Variants in PSPC1 observed in about 807,000 individuals in gnomAD.
The protein encoded by PSPC1 is paraspeckle protein 1.
In PSPC1, 14 loss-of-function variants were observed where a neutral mutation model predicts 51.6. The observed-to-expected ratio is 0.27, with a 90% CI of 0.18 to 0.42. The LOEUF is 0.42. Among genes scored for constraint, PSPC1 ranks in the 10% least tolerant of loss-of-function variants. The probability of loss-of-function intolerance (pLI) is 1.00; values close to 1 mark genes in which losing one functional copy is unlikely to be tolerated. For synonymous variants in PSPC1, 193 were observed against 231.9 expected (o/e 0.83, Z 1.53); for missense variants, 406 against 701.1 (o/e 0.58, Z 4.75).
intron 6 of PSPC1, among the ~76,000 whole-genome samples, chr13:19,694,166 TAC>T (rs1046286275): frequency 5.8e-5 from 6 of 104,236 alleles, no homozygotes; most frequent in African/African-American, 2.1e-4. Flanking sequence ...TATATATATA[TAC>T]ATACACACAT....
At chr13:19,770,905 A>C (rs1170748545) in intron 2 of PSPC1, among the ~76,000 whole-genome samples, 1 of 151,614 alleles carries the variant, frequency 6.6e-6, no homozygotes, top group Non-Finnish European at 1.5e-5. Context: ...CCAAAAAAAA[A>C]AACAAACAAA....
At chr13:19,694,178 TACAC>T (rs373687009) in intron 6 of PSPC1, among the ~76,000 whole-genome samples, 20 of 118,742 alleles carry the variant, frequency 1.7e-4, no homozygotes, top group Admixed American at 5.3e-4. Flanking sequence ...CATACACACA[TACAC>T]ACACACACAC....
chr13:19,742,378 C>A (rs1465461234), intron 4 of PSPC1, among the ~76,000 whole-genome samples: 1 of 151,844 alleles, frequency 6.6e-6, no homozygotes, highest in Middle Eastern at 3.2e-3. Context: ...CCGAGGCAGG[C>A]GGATCACTTC....
intron 5 of PSPC1, among the ~76,000 whole-genome samples, chr13:19,736,551 C>T (rs1566010651): frequency 6.6e-6 from 1 of 152,052 alleles, no homozygotes; most frequent in South Asian, 2.1e-4. Context: ...GGTGTGGTGA[C>T]AGGCGCCTGT....
downstream of PSPC1, chr13:19,671,392 C>A: frequency 9.9e-7 from 1 of 1,011,896 alleles, no homozygotes; most frequent in East Asian, 2.6e-5. Context: ...GTGTACCTGT[C>A]CTAGAGACAG....
chr13:19,751,194 A>G lies in PSPC1; in HGVS notation c.967+77T>C, dbSNP rs570959905. On this transcript the variant is annotated intron_variant, in intron 4 of 8. Coordinates refer to ENST00000338910, the MANE Select transcript of PSPC1 (RefSeq NM_001354909.2). ...TCTAAACTCCTAAATGGCACTTTAC[A>G]CAGTAGTACATGAATGGTACACACA... 1.2e-5 allele frequency: 14 copies of G among 1,181,998 alleles called. No individual in the cohort carries two copies. The South Asian group carries it at 4.0e-4, about 33-fold the overall frequency. The allele number at this position is 1,181,998 out of a possible 1,614,324, so 73.2% of individuals were successfully genotyped here.
At chr13:19,774,232 G>A (rs777785408) in intron 1 of PSPC1, among the ~76,000 whole-genome samples, 5 of 152,148 alleles carry the variant, frequency 3.3e-5, no homozygotes, top group Non-Finnish European at 5.9e-5. Flanking sequence ...ACAGAAGTAT[G>A]TCTTTTTCAT....
intron 6 of PSPC1, among the ~76,000 whole-genome samples, chr13:19,679,424 A>G (rs190558833): frequency 2.0e-5 from 3 of 152,276 alleles, no homozygotes; most frequent in Non-Finnish European, 4.4e-5. Flanking sequence ...TGAGCCCACG[A>G]TGTGGAGGTT....
chr13:19,723,058 T>C (rs1339306530), intron 6 of PSPC1, among the ~76,000 whole-genome samples: 1 of 151,630 alleles, frequency 6.6e-6, no homozygotes, highest in Non-Finnish European at 1.5e-5. Context: ...TTGCAGTGAG[T>C]CAAGATCACG....
At chr13:19,677,461 G>A (rs1414006842) in intron 7 of PSPC1, among the ~76,000 whole-genome samples, 1 of 151,274 alleles carries the variant, frequency 6.6e-6, no homozygotes, top group Non-Finnish European at 1.5e-5. Context: ...GAGGAAAGAG[G>A]AGGGCAAGGC....
intron 4 of PSPC1, among the ~76,000 whole-genome samples, chr13:19,742,186 C>T (rs1247054117): frequency 2.7e-5 from 4 of 146,298 alleles, no homozygotes; most frequent in East Asian, 2.1e-4. Context: ...CTTGGCTGGG[C>T]GCGGTGGCTC....
At chr13:19,758,024 A>G (rs1365972920) in intron 3 of PSPC1, among the ~76,000 whole-genome samples, 1 of 152,074 alleles carries the variant, frequency 6.6e-6, no homozygotes, top group Admixed American at 6.6e-5. Context: ...TTAAAAAAAA[A>G]ATGCACTCGG....
chr13:19,730,053 A>G (rs1308101542), intron 6 of PSPC1, among the ~76,000 whole-genome samples, 186 bp downstream of exon 6: 2 of 152,214 alleles, frequency 1.3e-5, no homozygotes, highest in Non-Finnish European at 2.9e-5. Flanking sequence ...TAAAACATAG[A>G]TATCTTCAGA....
At chr13:19,771,335 C>T (rs999329012) in intron 2 of PSPC1, among the ~76,000 whole-genome samples, 3 of 152,064 alleles carry the variant, frequency 2.0e-5, no homozygotes, top group South Asian at 4.1e-4. Context: ...GACAGGGTTT[C>T]GCCATTTGCC....
intron 6 of PSPC1, among the ~76,000 whole-genome samples, chr13:19,694,173 A>G (rs1387554209): frequency 6.8e-6 from 1 of 147,780 alleles, no homozygotes; most frequent in Non-Finnish European, 1.5e-5. Flanking sequence ...ATATACATAC[A>G]CACATACACA....
At chr13:19,694,302 A>G (rs1389712950) in intron 6 of PSPC1, among the ~76,000 whole-genome samples, 1 of 152,116 alleles carries the variant, frequency 6.6e-6, no homozygotes, top group Non-Finnish European at 1.5e-5. Flanking sequence ...GGAAAAAATT[A>G]AAATGTGACT....
Position 19,765,350 on chromosome 13 carries a change from T to A in PSPC1, c.675-5932A>T, listed in dbSNP as rs559509555. On this transcript the variant is annotated intron_variant, in intron 2 of 8. Transcript: ENST00000338910. Reference sequence around the variant, plus strand: ...AAATAATAATAATAATAATAATTATTATTATTATTATTATTACCAGGATGA... The same window carrying A: ...AAATAATAATAATAATAATAATTATAATTATTATTATTATTACCAGGATGA... 5.6e-4 allele frequency among the ~76,000 whole-genome samples: 81 copies of A among 144,868 alleles called. No individual in the cohort carries two copies. The South Asian group carries it at 0.013, about 23-fold the overall frequency.
At chr13:19,734,781 G>T (rs547278496) in intron 5 of PSPC1, among the ~76,000 whole-genome samples, 25 of 151,896 alleles carry the variant, frequency 1.6e-4, no homozygotes, top group Non-Finnish European at 2.9e-4. Flanking sequence ...CAGCCTGGGC[G>T]AAAGAGCAAG....
At chr13:19,746,796 TA>T (rs1264506414) in intron 4 of PSPC1, among the ~76,000 whole-genome samples, 5 of 151,590 alleles carry the variant, frequency 3.3e-5, no homozygotes, top group African/African-American at 9.7e-5. Flanking sequence ...TATTGTAAGG[TA>T]CCCATGTGTT....
Sources: allele counts gnomAD v4.1 joint callset (sites outside exome capture counted in the v4.1 genomes callset), GRCh38; gene constraint gnomAD v4.1.1; transcripts MANE v1.5; gene names NCBI Gene and HGNC (gene_info 2026-07-23, HGNC 2026-07-21).